Variants in CUL3 observed in about 807,000 individuals in gnomAD.
CUL3 encodes the protein cullin 3.
CUL3 carries 19 observed loss-of-function variants against 89.1 expected under a neutral mutation model. The ratio of observed to expected loss-of-function variants is 0.21; its 90% CI spans 0.15 to 0.31. The LOEUF (loss-of-function observed/expected upper bound fraction) is 0.31, where lower values mean the gene tolerates loss of function less well. Ranked by LOEUF, CUL3 falls within the 10% of genes least tolerant of loss-of-function variation. The pLI is 1.00. For missense variants in CUL3, 469 were observed against 942.3 expected (o/e 0.50, Z 6.58); for synonymous variants, 351 against 308.4 (o/e 1.14, Z -1.45).
intron 1 of CUL3, among the ~76,000 whole-genome samples, chr2:224,561,972 A>G (rs968885572): frequency 2.6e-5 from 4 of 152,244 alleles, no homozygotes; most frequent in Non-Finnish European, 2.9e-5. Flanking sequence ...AGCCTCAAAG[A>G]TACCTATACT....
intron 2 of CUL3, among the ~76,000 whole-genome samples, chr2:224,542,896 T>A (rs536499518): frequency 6.6e-6 from 1 of 152,308 alleles, no homozygotes; most frequent in African/African-American, 2.4e-5. Flanking sequence ...TGAGTTTTCA[T>A]TCCCAAATAT....
chr2:224,558,565 G>A (rs150619545), intron 1 of CUL3, among the ~76,000 whole-genome samples: 2,119 of 152,222 alleles, frequency 0.014, 25 homozygotes, highest in Non-Finnish European at 0.02. Context: ...TATTGTACTC[G>A]AAGTATAGCA....
intron 6 of CUL3, among the ~76,000 whole-genome samples, chr2:224,508,254 T>C (rs1416337471): frequency 6.6e-6 from 1 of 152,240 alleles, no homozygotes; most frequent in East Asian, 1.9e-4. Flanking sequence ...AAAGTTTTAC[T>C]AAACTTTATT....
At chr2:224,524,494 A>C (rs1690613) in intron 3 of CUL3, among the ~76,000 whole-genome samples, 5 of 152,216 alleles carry the variant, frequency 3.3e-5, no homozygotes, top group Non-Finnish European at 5.9e-5. Context: ...GAATTCTAGG[A>C]ACATTAATTC....
At chr2:224,573,273 T>A (rs1695224872) in intron 1 of CUL3, among the ~76,000 whole-genome samples, 1 of 152,144 alleles carries the variant, frequency 6.6e-6, no homozygotes, top group Non-Finnish European at 1.5e-5. Context: ...ATACTTAAAT[T>A]TCTATTAACC....
chr2:224,584,741 G>A (rs1395731064), intron 1 of CUL3, among the ~76,000 whole-genome samples: 1 of 146,702 alleles, frequency 6.8e-6, no homozygotes, highest in African/African-American at 2.5e-5. Flanking sequence ...CCGGGCTCCC[G>A]GCGCGGGGAA....
intron 7 of CUL3, 120 bp downstream of exon 7, chr2:224,506,738 A>G: frequency 1.2e-6 from 1 of 823,780 alleles, no homozygotes; most frequent in Non-Finnish European, 1.8e-6. Flanking sequence ...ACAAATATTA[A>G]TTTACTACTG....
intron 8 of CUL3, among the ~76,000 whole-genome samples, chr2:224,504,581 T>C (rs1451907425): frequency 6.6e-6 from 1 of 152,246 alleles, no homozygotes; most frequent in Non-Finnish European, 1.5e-5. Flanking sequence ...GTGCTGGGAT[T>C]ACAAGCGTGA....
At chr2:224,528,223 T>A (rs1040002663) in intron 3 of CUL3, among the ~76,000 whole-genome samples, 4 of 152,218 alleles carry the variant, frequency 2.6e-5, no homozygotes, top group Non-Finnish European at 5.9e-5. Flanking sequence ...GCTGGCTCCT[T>A]ATGGAGGCTC....
intron 2 of CUL3, among the ~76,000 whole-genome samples, chr2:224,556,967 A>C (rs745678804): frequency 3.9e-5 from 6 of 152,118 alleles, no homozygotes; most frequent in African/African-American, 4.8e-5. Context: ...TTAAAAAATA[A>C]ATACCCCAAT....
At chr2:224,530,632 C>T (rs1209053561) in intron 3 of CUL3, among the ~76,000 whole-genome samples, 1 of 152,208 alleles carries the variant, frequency 6.6e-6, no homozygotes, top group Admixed American at 6.5e-5. Context: ...TTTGGTTGGG[C>T]ACAGTGGCTC....
chr2:224,514,181 G>A (rs1692947123), intron 4 of CUL3, among the ~76,000 whole-genome samples: 2 of 152,092 alleles, frequency 1.3e-5, no homozygotes, highest in South Asian at 4.1e-4. Flanking sequence ...TGTTATGAAG[G>A]GGGATGAAAT....
chr2:224,523,140 C>T (rs568034902), intron 3 of CUL3, among the ~76,000 whole-genome samples: 1 of 152,280 alleles, frequency 6.6e-6, no homozygotes, highest in Non-Finnish European at 1.5e-5. Flanking sequence ...CAATACAATT[C>T]AGTGGTTAAG....
intron 13 of CUL3, 186 bp downstream of exon 13, chr2:224,495,641 AAAGTT>A (rs774017468): frequency 1.1e-5 from 5 of 437,178 alleles, no homozygotes; most frequent in Non-Finnish European, 1.6e-5. Flanking sequence ...GTACTTCTAT[AAAGTT>A]AATTTAAAAA....
intron 3 of CUL3, among the ~76,000 whole-genome samples, chr2:224,529,852 T>C (rs1048231188): frequency 1.2e-4 from 18 of 152,156 alleles, no homozygotes; most frequent in African/African-American, 4.1e-4. Flanking sequence ...GTTACCTCCA[T>C]GTAACCTGTG....
rs76285596 is a variant in CUL3 at position 224,579,485 on chromosome 2, GA to G, written c.66+5458del. The stretch of plus-strand genomic sequence containing the variant: ...AAACATTTCTGTAGCTCGAAGAAAA[GA>G]AAAAAAAAAAAAGATTAACTGTACC... On this transcript the variant is annotated intron_variant, in intron 1 of 15. Transcript: ENST00000264414. Among the ~76,000 whole-genome samples the G allele has an allele frequency of 5.6e-3, 740 of 131,142 alleles. 5 individuals are homozygous for G. Among genetic ancestry groups the G allele is most frequent in the Middle Eastern group, 0.019 (5 of 258 alleles). The allele number at this position is 131,142 out of a possible 152,430, so 86.0% of individuals were successfully genotyped here. A position where few individuals can be genotyped will look rare whatever the true frequency, so the allele number is the denominator to read the frequency against.
chr2:224,581,143 T>A (rs1279327150), intron 1 of CUL3, among the ~76,000 whole-genome samples: 1 of 152,092 alleles, frequency 6.6e-6, no homozygotes, highest in Non-Finnish European at 1.5e-5. Flanking sequence ...ACACCTGTAA[T>A]CCCAGCACTT....
intron 5 of CUL3, among the ~76,000 whole-genome samples, chr2:224,512,389 C>T (rs1174835914): frequency 2.0e-5 from 3 of 152,170 alleles, no homozygotes; most frequent in African/African-American, 4.8e-5. Flanking sequence ...AGCCACTGTG[C>T]CCGGCCAACA....
chr2:224,540,149 C>T (rs1694047456), intron 2 of CUL3, among the ~76,000 whole-genome samples: 2 of 151,352 alleles, frequency 1.3e-5, no homozygotes, highest in Non-Finnish European at 2.9e-5. Flanking sequence ...CTCTGTCTCC[C>T]AGGTTTAAGC....
Sources: gnomAD v4.1 joint callset for allele counts (sites outside exome capture counted in the v4.1 genomes callset) on GRCh38, gnomAD v4.1.1 for gene constraint, MANE v1.5 for transcripts, NCBI Gene and HGNC (gene_info 2026-07-23, HGNC 2026-07-21) for gene names.